CHN2: variants seen among roughly 807,000 people sequenced by gnomAD.
CHN2 encodes chimerin 2.
CHN2 carries 35 observed loss-of-function variants against 56.3 expected under a neutral mutation model. That is an observed-to-expected ratio of 0.62 (90% CI 0.47 to 0.82). The LOEUF (loss-of-function observed/expected upper bound fraction) is 0.82, where lower values mean the gene tolerates loss of function less well. CHN2 is among the 40% of genes least tolerant of loss of function. The pLI, the probability that CHN2 is intolerant of heterozygous loss-of-function variation, is 0.00. For synonymous variants in CHN2, 210 were observed against 212.8 expected (o/e 0.99, Z 0.12); for missense variants, 491 against 580.5 (o/e 0.85, Z 1.58).
At chr7:29,365,631 C>T (rs113471944) in intron 2 of CHN2, among the ~76,000 whole-genome samples, 31 of 152,184 alleles carry the variant, frequency 2.0e-4, no homozygotes, top group African/African-American at 6.0e-4. Flanking sequence ...GAATAGCATA[C>T]GCAAAGGCCC....
intron 1 of CHN2, among the ~76,000 whole-genome samples, chr7:29,237,519 T>C (rs118067373): frequency 7.6e-4 from 116 of 152,224 alleles, no homozygotes; most frequent in Non-Finnish European, 1.2e-3. Context: ...TCCAGATAAC[T>C]TCAAAAGTCT....
upstream of CHN2, chr7:29,194,690 C>A (rs1323496187): frequency 2.6e-5 from 10 of 385,718 alleles, no homozygotes; most frequent in Non-Finnish European, 4.1e-5. Flanking sequence ...TCCCACCTAC[C>A]CCCTGACACC....
intron 6 of CHN2, among the ~76,000 whole-genome samples, chr7:29,453,905 C>A (rs1784570639): frequency 6.6e-6 from 1 of 152,162 alleles, no homozygotes; most frequent in South Asian, 2.1e-4. Context: ...CCTTGTGCAT[C>A]CTAAAATGCT....
At chr7:29,198,848 GA>G (rs768378171) in intron 1 of CHN2, among the ~76,000 whole-genome samples, 9 of 152,122 alleles carry the variant, frequency 5.9e-5, no homozygotes, top group Non-Finnish European at 1.0e-4. Context: ...AAATAAAGAA[GA>G]TATGAGATGT....
chr7:29,385,450 C>T (rs1424091240), intron 3 of CHN2, among the ~76,000 whole-genome samples: 1 of 152,010 alleles, frequency 6.6e-6, no homozygotes, highest in East Asian at 1.9e-4. Context: ...TGGATTCTAC[C>T]CACTAGAGGC....
chr7:29,506,241 C>CT (rs1176652422), intron 10 of CHN2, among the ~76,000 whole-genome samples: 1 of 152,112 alleles, frequency 6.6e-6, no homozygotes, highest in Non-Finnish European at 1.5e-5. Flanking sequence ...CAGGTCAAAA[C>CT]TTCTGTGCTG....
At chr7:29,227,216 A>G (rs1391509959) in intron 1 of CHN2, among the ~76,000 whole-genome samples, 1 of 152,218 alleles carries the variant, frequency 6.6e-6, no homozygotes, top group Non-Finnish European at 1.5e-5. Flanking sequence ...CTTATTGAGA[A>G]GATGTCTCCA....
intron 1 of CHN2, among the ~76,000 whole-genome samples, chr7:29,306,322 G>A (rs934477427): frequency 2.6e-5 from 4 of 152,160 alleles, no homozygotes; most frequent in African/African-American, 9.7e-5. Flanking sequence ...CATTTGCTAG[G>A]AAGTTAATTA....
intron 2 of CHN2, among the ~76,000 whole-genome samples, chr7:29,175,328 C>T (rs1797161734): frequency 6.6e-6 from 1 of 152,038 alleles, no homozygotes; most frequent in Admixed American, 6.6e-5. Context: ...GCGCATGCCA[C>T]CACGCCTGAC....
chr7:29,385,501 A>G (rs1394566499), intron 3 of CHN2, among the ~76,000 whole-genome samples: 1 of 152,196 alleles, frequency 6.6e-6, no homozygotes, highest in Admixed American at 6.5e-5. Context: ...CAAAACTGTC[A>G]TGAGGCAAAA....
At chr7:29,233,864 C>T (rs376231845) in intron 1 of CHN2, among the ~76,000 whole-genome samples, 14 of 66,406 alleles carry the variant, frequency 2.1e-4, no homozygotes, top group African/African-American at 6.4e-4. Context: ...GATGGAGTCT[C>T]GCTCTGTCGC....
chr7:29,482,790 C>CTTTTTTTTT (rs1562644821), intron 7 of CHN2, among the ~76,000 whole-genome samples: 1 of 97,948 alleles, frequency 1.0e-5, no homozygotes, highest in Non-Finnish European at 2.0e-5. Flanking sequence ...GCTGTCTGCA[C>CTTTTTTTTT]TTTTTTCTTT....
At chr7:29,319,059 A>C (rs1019803545) in intron 1 of CHN2, among the ~76,000 whole-genome samples, 10 of 152,176 alleles carry the variant, frequency 6.6e-5, no homozygotes, top group African/African-American at 2.4e-4. Flanking sequence ...CACAGGGCAG[A>C]GGCTAAGACG....
At chr7:29,442,112 A>G (rs1783690278) in intron 6 of CHN2, among the ~76,000 whole-genome samples, 1 of 152,192 alleles carries the variant, frequency 6.6e-6, no homozygotes, top group African/African-American at 2.4e-5. Context: ...AAAGAATGAA[A>G]TTCCGATACG....
intron 2 of CHN2, among the ~76,000 whole-genome samples, chr7:29,159,339 G>A (rs1483492961): frequency 1.3e-5 from 2 of 152,202 alleles, no homozygotes; most frequent in African/African-American, 2.4e-5. Context: ...CCAAATGCCT[G>A]CAGCATCCTG....
chr7:29,283,510 C>T (rs746479941), intron 1 of CHN2, among the ~76,000 whole-genome samples: 16 of 152,216 alleles, frequency 1.1e-4, no homozygotes, highest in Middle Eastern at 6.8e-3. Context: ...GAGATATTTG[C>T]AGATAATAAG....
At chr7:29,247,891 T>C (rs746279989) in intron 1 of CHN2, among the ~76,000 whole-genome samples, 1 of 152,250 alleles carries the variant, frequency 6.6e-6, no homozygotes, top group Non-Finnish European at 1.5e-5. Context: ...ATACTGTTTT[T>C]GATTTTAGTT....
At chr7:29,481,157 G>T (rs1787175038) in intron 7 of CHN2, among the ~76,000 whole-genome samples, 2 of 152,192 alleles carry the variant, frequency 1.3e-5, no homozygotes, top group South Asian at 4.1e-4. Flanking sequence ...GAGAGGAGGA[G>T]AGACAGGTTA....
chr7:29,174,050 C>G (rs758741477), intron 2 of CHN2, among the ~76,000 whole-genome samples: 3 of 152,118 alleles, frequency 2.0e-5, no homozygotes, highest in Non-Finnish European at 4.4e-5. Context: ...TTCACACACA[C>G]TCCCAAGCTT....
Sources: gnomAD v4.1 joint callset for allele counts (sites outside exome capture counted in the v4.1 genomes callset) on GRCh38, gnomAD v4.1.1 for gene constraint, MANE v1.5 for transcripts, NCBI Gene and HGNC (gene_info 2026-07-23, HGNC 2026-07-21) for gene names.